The following TMEM233 variants were observed in gnomAD, a reference collection of about 807,000 sequenced individuals.
TMEM233 encodes the protein transmembrane protein 233.
Under a neutral mutation model 11.2 loss-of-function variants are expected in TMEM233, and 6 were observed. That is an observed-to-expected ratio of 0.54 (90% CI 0.29 to 1.06). TMEM233 has a LOEUF of 1.06. Ranked by LOEUF, TMEM233 falls within the 50% of genes least tolerant of loss-of-function variation. The pLI is 0.08. For missense variants in TMEM233, 127 were observed against 144.7 expected (o/e 0.88, Z 0.63); for synonymous variants, 59 against 55.8 (o/e 1.06, Z -0.26).
intron 1 of TMEM233, among the ~76,000 whole-genome samples, chr12:119,597,767 T>C (rs1954076401): frequency 6.6e-6 from 1 of 152,190 alleles, no homozygotes; most frequent in Non-Finnish European, 1.5e-5. Flanking sequence ...TCAAGCATTG[T>C]CAGGGACACA....
intron 1 of TMEM233, among the ~76,000 whole-genome samples, chr12:119,623,295 A>C (rs941640640): frequency 3.9e-5 from 6 of 152,222 alleles, no homozygotes; most frequent in African/African-American, 1.4e-4. Flanking sequence ...TGAATGCATC[A>C]TCATAGCTAT....
At chr12:119,631,405 C>T (rs566101972) in intron 2 of TMEM233, 1 of 659,718 alleles carries the variant, frequency 1.5e-6, no homozygotes, top group East Asian at 1.4e-4. Flanking sequence ...AAGGCAGACC[C>T]AGGAACAACC....
intron 1 of TMEM233, among the ~76,000 whole-genome samples, chr12:119,602,532 T>A (rs1016908950): frequency 4.6e-5 from 7 of 152,208 alleles, no homozygotes; most frequent in East Asian, 3.8e-4. Context: ...GTCTGAAGTG[T>A]GTCATCATGG....
At chr12:119,609,607 A>G (rs1461960918) in intron 1 of TMEM233, among the ~76,000 whole-genome samples, 1 of 152,194 alleles carries the variant, frequency 6.6e-6, no homozygotes, top group African/African-American at 2.4e-5. Flanking sequence ...CCTGCATCCA[A>G]GCTGCTTCAG....
Position 119,603,939 on chromosome 12 carries a change from C to T in TMEM233, c.186+9905C>T, listed in dbSNP as rs146803658. Among the ~76,000 whole-genome samples, 272 of 152,324 alleles carry T rather than the reference C, an allele frequency of 1.8e-3. 2 individuals are homozygous for T. The highest frequency in any genetic ancestry group is 6.2e-3 in the African/African-American group (256 of 41,570). ...CCTTTTTTGGAAAATATCCAGGAGA[C>T]TCAGGCAAATGCCAAGGGTCACTGA... On this transcript the variant is annotated intron_variant, in intron 1 of 2. Coordinates refer to ENST00000426426, the MANE Select transcript of TMEM233 (RefSeq NM_001136534.3).
intron 1 of TMEM233, among the ~76,000 whole-genome samples, chr12:119,603,091 CAAAAAT>C (rs112192183): frequency 0.037 from 5,600 of 151,514 alleles, 322 homozygotes; most frequent in African/African-American, 0.13. Flanking sequence ...CCCGTCCCTA[CAAAAAT>C]AAAAATAAAA....
chr12:119,650,525 G>T, the TMEM233 span, among the ~76,000 whole-genome samples: 233 of 152,348 alleles, frequency 1.5e-3, 2 homozygotes, highest in African/African-American at 5.2e-3. Flanking sequence ...ATTACCCATT[G>T]TCCCTAATTC....
chr12:119,633,269 T>C (rs1954919804), intron 2 of TMEM233, among the ~76,000 whole-genome samples: 1 of 152,174 alleles, frequency 6.6e-6, no homozygotes, highest in South Asian at 2.1e-4. Flanking sequence ...TCCTTCTAGA[T>C]GCCTTTCCCT....
intron 1 of TMEM233, among the ~76,000 whole-genome samples, chr12:119,627,596 A>G (rs1593303167): frequency 6.6e-6 from 1 of 152,210 alleles, no homozygotes; most frequent in East Asian, 1.9e-4. Flanking sequence ...ATGAACTAAC[A>G]GAGTGAGAAC....
At chr12:119,604,480 A>G (rs763481817) in intron 1 of TMEM233, among the ~76,000 whole-genome samples, 1 of 152,198 alleles carries the variant, frequency 6.6e-6, no homozygotes, top group Non-Finnish European at 1.5e-5. Context: ...ACTGTTCTTA[A>G]TAATACTTTG....
rs369826396 is a variant in TMEM233 at position 119,593,784 on chromosome 12, G to A, written c.-65G>A. 10 of 1,474,298 alleles carry A rather than the reference G, an allele frequency of 6.8e-6. No individual in the cohort carries two copies. In the African/African-American group the frequency reaches 8.5e-5, roughly 13 times the overall value. 91.3% of individuals were successfully genotyped at this position (1,474,298 alleles called of 1,614,324 possible). On this transcript the variant is annotated 5_prime_UTR_variant, in exon 1 of 3. Transcript: ENST00000426426. This position sits in a 1 kb window ranked among gnomAD's most constrained non-coding sequence, Gnocchi z 4.1. Reference sequence around the variant, plus strand: ...TTTCAGAGCCTCGCCACAAGCCGGCGGCCAGAGCCCCAGACCACACAGACC... The same window carrying A: ...TTTCAGAGCCTCGCCACAAGCCGGCAGCCAGAGCCCCAGACCACACAGACC...
At position 119,594,310 on chromosome 12, in the gene TMEM233, T is replaced by C. The variant is rs1414978626; in HGVS notation, c.186+276T>C. 7.0e-6 allele frequency: 3 copies of C among 427,252 alleles called. No individual in the cohort carries two copies. The highest frequency in any genetic ancestry group is 1.3e-5 in the Non-Finnish European group (3 of 238,428). The allele number at this position is 427,252 out of a possible 1,614,324, so 26.5% of individuals were successfully genotyped here. A position where few individuals can be genotyped will look rare whatever the true frequency, so the allele number is the denominator to read the frequency against. ...CTTCTTTCCAGCTCCCAGGGTGCGT[T>C]TCCTCTCCAACCCGGGGAAGTTCTT... On this transcript the variant is annotated intron_variant, in intron 1 of 2. Transcript: ENST00000426426. This position sits in a 1 kb window ranked among gnomAD's most constrained non-coding sequence, Gnocchi z 5.6.
intron 1 of TMEM233, among the ~76,000 whole-genome samples, chr12:119,614,647 C>T (rs944196460): frequency 6.6e-6 from 1 of 152,110 alleles, no homozygotes; most frequent in Non-Finnish European, 1.5e-5. Flanking sequence ...TGGATGGATG[C>T]ACTAACTTTT....
Position 119,594,127 on chromosome 12 carries a change from T to C in TMEM233, c.186+93T>C. On this transcript the variant is annotated intron_variant, in intron 1 of 2. Transcript: ENST00000426426. The surrounding 1 kb of genome is among the most constrained non-coding windows in gnomAD (Gnocchi z 5.6). ...AGTCCGCGCGCTCTCTGCGGCTCCC[T>C]TCCTCACGGCCCGGCCCGCGCTAGG... 1 of 1,301,074 alleles carries C rather than the reference T, an allele frequency of 7.7e-7. No individual in the cohort carries two copies. The allele number at this position is 1,301,074 out of a possible 1,614,324, so 80.6% of individuals were successfully genotyped here.
chr12:119,649,720 C>G, the TMEM233 span, among the ~76,000 whole-genome samples: 1 of 152,084 alleles, frequency 6.6e-6, no homozygotes. Context: ...ATTAGTCACA[C>G]CTCTGTTCCT....
chr12:119,625,003 T>C (rs1042206244), intron 1 of TMEM233, among the ~76,000 whole-genome samples: 5 of 152,140 alleles, frequency 3.3e-5, no homozygotes, highest in Admixed American at 2.6e-4. Context: ...AACTCCAGAA[T>C]TCGTGACTTA....
At chr12:119,633,431 T>G (rs1355258121) in intron 2 of TMEM233, among the ~76,000 whole-genome samples, 2 of 151,858 alleles carry the variant, frequency 1.3e-5, no homozygotes, top group Non-Finnish European at 2.9e-5. Flanking sequence ...AAAAAAATTT[T>G]TTTTAATTAG....
intron 1 of TMEM233, among the ~76,000 whole-genome samples, chr12:119,629,268 G>A (rs1237258052): frequency 1.3e-5 from 2 of 152,176 alleles, no homozygotes; most frequent in Non-Finnish European, 2.9e-5. Context: ...AAATTAGCCA[G>A]GCGTGGTGGC....
At chr12:119,611,534 T>C (rs1361651592) in intron 1 of TMEM233, among the ~76,000 whole-genome samples, 1 of 96,762 alleles carries the variant, frequency 1.0e-5, no homozygotes, top group East Asian at 2.4e-4. Context: ...TTTTTATTGT[T>C]GAGTTTAAGA....
Sources: gnomAD v4.1 joint callset for allele counts (sites outside exome capture counted in the v4.1 genomes callset) on GRCh38, gnomAD v4.1.1 for gene constraint, Gnocchi (gnomAD v3.1) non-coding constraint, MANE v1.5 for transcripts, NCBI Gene and HGNC (gene_info 2026-07-23, HGNC 2026-07-21) for gene names.